The following VWC2 variants were observed in gnomAD, a reference collection of about 807,000 sequenced individuals.
The protein encoded by VWC2 is von Willebrand factor C domain containing 2, also known as brorin.
In VWC2, 14 loss-of-function variants were observed where a neutral mutation model predicts 29.8. That is an observed-to-expected ratio of 0.47 (90% CI 0.31 to 0.74). VWC2 has a LOEUF of 0.74. Ranked by LOEUF, VWC2 falls within the 30% of genes least tolerant of loss-of-function variation. VWC2 has a pLI of 0.05. For synonymous variants in VWC2, 213 were observed against 199.0 expected (o/e 1.07, Z -0.59); for missense variants, 457 against 459.8 (o/e 0.99, Z 0.05).
At chr7:49,894,410 G>T (rs1792278719) in intron 3 of VWC2, among the ~76,000 whole-genome samples, 1 of 152,226 alleles carries the variant, frequency 6.6e-6, no homozygotes. Flanking sequence ...TATGATTACA[G>T]GCATGAGCCA....
intron 3 of VWC2, among the ~76,000 whole-genome samples, chr7:49,882,121 C>T (rs968456727): frequency 6.6e-6 from 1 of 151,842 alleles, no homozygotes; most frequent in Non-Finnish European, 1.5e-5. Context: ...TTTATATGTG[C>T]CATAATACTT....
chr7:49,883,940 G>C (rs762549951), intron 3 of VWC2, among the ~76,000 whole-genome samples: 3 of 152,254 alleles, frequency 2.0e-5, no homozygotes, highest in Non-Finnish European at 4.4e-5. Context: ...GAAAGCAGTG[G>C]AGAGCAATCC....
intron 3 of VWC2, among the ~76,000 whole-genome samples, chr7:49,851,626 G>A (rs1028977199): frequency 2.0e-5 from 3 of 152,226 alleles, no homozygotes; most frequent in Non-Finnish European, 2.9e-5. Context: ...TCGGGAGGCC[G>A]AGGCGGGTGG....
intron 3 of VWC2, among the ~76,000 whole-genome samples, chr7:49,805,755 G>T (rs1363658871): frequency 1.3e-5 from 2 of 152,148 alleles, no homozygotes; most frequent in Non-Finnish European, 2.9e-5. Context: ...TGCTTTATAT[G>T]AAATTAAAAG....
At chr7:49,909,750 A>C (rs1166660656) in intron 3 of VWC2, among the ~76,000 whole-genome samples, 1 of 152,158 alleles carries the variant, frequency 6.6e-6, no homozygotes, top group South Asian at 2.1e-4. Context: ...GGGTTCTCTG[A>C]AAGAGAAAGA....
intron 3 of VWC2, among the ~76,000 whole-genome samples, chr7:49,883,865 G>C (rs528989120): frequency 5.2e-4 from 79 of 152,278 alleles, no homozygotes; most frequent in Middle Eastern, 6.8e-3. Flanking sequence ...CTAGAATAAA[G>C]AAAACAAGTA....
At chr7:49,802,912 T>C in intron 3 of VWC2, 72 bp downstream of exon 3, 1 of 1,597,548 alleles carries the variant, frequency 6.3e-7, no homozygotes, top group Non-Finnish European at 8.6e-7. Flanking sequence ...TGCTTCATGG[T>C]AGACGGGACA....
intron 3 of VWC2, among the ~76,000 whole-genome samples, chr7:49,816,527 G>T (rs994150149): frequency 2.0e-5 from 3 of 152,204 alleles, no homozygotes; most frequent in African/African-American, 4.8e-5. Flanking sequence ...CCATGGGTTG[G>T]TCCCAGAGGC....
chr7:49,894,549 C>A lies in VWC2; in HGVS notation c.827-17485C>A, dbSNP rs527573900. Among the ~76,000 whole-genome samples, 8 of 152,320 alleles carry A rather than the reference C, an allele frequency of 5.3e-5. No homozygotes were observed. In the East Asian group the frequency reaches 1.5e-3, roughly 29 times the overall value. Reference sequence around the variant, plus strand: ...ATACTTTTATTTCAGTATGCCAATTCATTATTTAATTTGAAGACTTAACTC... The same window carrying A: ...ATACTTTTATTTCAGTATGCCAATTAATTATTTAATTTGAAGACTTAACTC... On this transcript the variant is annotated intron_variant, in intron 3 of 3. Coordinates refer to ENST00000340652, the MANE Select transcript of VWC2 (RefSeq NM_198570.5).
intron 3 of VWC2, among the ~76,000 whole-genome samples, chr7:49,826,523 A>G (rs998518512): frequency 3.3e-5 from 5 of 152,188 alleles, no homozygotes; most frequent in Admixed American, 3.3e-4. Context: ...TGAACAAGCC[A>G]GAGTCTTTAG....
At chr7:49,877,481 A>AAAAAAAAATATACATATATATATATAT in intron 3 of VWC2, among the ~76,000 whole-genome samples, 3 of 12,726 alleles carry the variant, frequency 2.4e-4, no homozygotes, top group Admixed American at 1.4e-3. Context: ...AAAAAAAAAA[A>AAAAAAAAATATACATATATATATATAT]ATATATATAT....
At chr7:49,792,828 G>A (rs1049485652) in intron 2 of VWC2, among the ~76,000 whole-genome samples, 1 of 152,182 alleles carries the variant, frequency 6.6e-6, no homozygotes, top group African/African-American at 2.4e-5. Context: ...GGGAACGTGG[G>A]ATTCCTCCTG....
chr7:49,834,627 T>A (rs1218129633), intron 3 of VWC2, among the ~76,000 whole-genome samples: 1 of 152,176 alleles, frequency 6.6e-6, no homozygotes, highest in Admixed American at 6.5e-5. Flanking sequence ...AAATGCCGAG[T>A]AAATGCTGAA....
At chr7:49,844,136 T>C (rs1028442914) in intron 3 of VWC2, among the ~76,000 whole-genome samples, 1 of 152,134 alleles carries the variant, frequency 6.6e-6, no homozygotes, top group Non-Finnish European at 1.5e-5. Flanking sequence ...TCACCTAAGG[T>C]GTGTTTGGAC....
At chr7:49,793,800 C>T (rs1788519374) in intron 2 of VWC2, among the ~76,000 whole-genome samples, 1 of 152,162 alleles carries the variant, frequency 6.6e-6, no homozygotes, top group African/African-American at 2.4e-5. Context: ...TTTTTCACTT[C>T]AAAGTTAATA....
chr7:49,801,984 C>T lies in VWC2; in HGVS notation c.697-727C>T, dbSNP rs1788748541. The stretch of plus-strand genomic sequence containing the variant: ...CGTAACTGGAAACACTGGGAGTGTT[C>T]CATGTGAGTCTGGGTGGTGACTTGA... On this transcript the variant is annotated intron_variant, in intron 2 of 3. Coordinates refer to ENST00000340652, the MANE Select transcript of VWC2 (RefSeq NM_198570.5). Among the ~76,000 whole-genome samples the T allele has an allele frequency of 2.0e-5, 3 of 152,208 alleles. No individual in the cohort carries two copies. In the South Asian group the frequency reaches 6.2e-4, roughly 32 times the overall value.
At chr7:49,779,038 G>GA (rs1788116292) in intron 2 of VWC2, among the ~76,000 whole-genome samples, 1 of 149,852 alleles carries the variant, frequency 6.7e-6, no homozygotes, top group Non-Finnish European at 1.5e-5. Flanking sequence ...TTCCAGAGAG[G>GA]GAGAGAGAGA....
intron 3 of VWC2, among the ~76,000 whole-genome samples, chr7:49,874,210 C>T (rs1466271853): frequency 6.6e-6 from 1 of 152,154 alleles, no homozygotes; most frequent in African/African-American, 2.4e-5. Flanking sequence ...TCATGTGCCT[C>T]ATAACCACAT....
intron 2 of VWC2, among the ~76,000 whole-genome samples, chr7:49,789,117 T>TA (rs1295273203): frequency 1.1e-4 from 9 of 82,294 alleles, no homozygotes; most frequent in Admixed American, 3.0e-4. Context: ...ATTGAGAGAG[T>TA]GTAGTGTGTG....
Sources: gnomAD v4.1 joint callset for allele counts (sites outside exome capture counted in the v4.1 genomes callset) on GRCh38, gnomAD v4.1.1 for gene constraint, MANE v1.5 for transcripts, NCBI Gene and HGNC (gene_info 2026-07-23, HGNC 2026-07-21) for gene names.